CRYBB2: variants seen among roughly 807,000 people sequenced by gnomAD.
CRYBB2 encodes the protein beta-crystallin B2.
Under a neutral mutation model 24.3 loss-of-function variants are expected in CRYBB2, and 12 were observed. That is an observed-to-expected ratio of 0.49 (90% confidence interval 0.32 to 0.80). The LOEUF is 0.80. CRYBB2 is among the 30% of genes least tolerant of loss of function. The pLI, the probability that CRYBB2 is intolerant of heterozygous loss-of-function variation, is 0.04. For synonymous variants in CRYBB2, 98 were observed against 101.6 expected (o/e 0.96, Z 0.21); for missense variants, 198 against 268.5 (o/e 0.74, Z 1.83).
chr22:25,218,820 A>AAGAAAAAGAAAG (rs1935266118), upstream of CRYBB2, among the ~76,000 whole-genome samples: 1 of 91,088 alleles, frequency 1.1e-5, no homozygotes, highest in Non-Finnish European at 2.1e-5. Context: ...GAAAGAAAGA[A>AAGAAAAAGAAAG]AGAAAGAAAG....
upstream of CRYBB2, among the ~76,000 whole-genome samples, chr22:25,218,899 C>G (rs1295599380): frequency 6.6e-6 from 1 of 152,022 alleles, no homozygotes; most frequent in Non-Finnish European, 1.5e-5. Flanking sequence ...ATAAAATGCA[C>G]TCTCCATAAT....
chr22:25,220,139 G>C (rs1474551379), intron 1 of CRYBB2, among the ~76,000 whole-genome samples: 2 of 152,164 alleles, frequency 1.3e-5, no homozygotes, highest in African/African-American at 2.4e-5. Context: ...ACAGGTCCCA[G>C]CAACAGGTGA....
At chr22:25,218,832 A>AAGAAAGAG (rs1935269138), upstream of CRYBB2, among the ~76,000 whole-genome samples, 1 of 113,070 alleles carries the variant, frequency 8.8e-6, no homozygotes, top group Non-Finnish European at 1.8e-5. Context: ...GAAAGAAAGA[A>AAGAAAGAG]AGAAAGAGAA....
upstream of CRYBB2, among the ~76,000 whole-genome samples, chr22:25,218,752 A>G (rs867663276): frequency 3.2e-5 from 1 of 31,742 alleles, no homozygotes; most frequent in African/African-American, 1.7e-4. Flanking sequence ...AGAGAGAGAG[A>G]GAGAGAGAGA....
At chr22:25,218,126 G>T (rs902875276), upstream of CRYBB2, among the ~76,000 whole-genome samples, 1 of 150,922 alleles carries the variant, frequency 6.6e-6, no homozygotes, top group Admixed American at 6.6e-5. Context: ...GGGCGTGTTG[G>T]CGGGCGCCTG....
chr22:25,231,191 A>C (rs977349518), intron 5 of CRYBB2, among the ~76,000 whole-genome samples: 4 of 152,136 alleles, frequency 2.6e-5, no homozygotes, highest in African/African-American at 9.7e-5. Flanking sequence ...AGGCCCCTGG[A>C]ACCTCCCCCA....
chr22:25,223,660 T>C (rs1057177028), intron 2 of CRYBB2, among the ~76,000 whole-genome samples: 1 of 152,052 alleles, frequency 6.6e-6, no homozygotes, highest in Non-Finnish European at 1.5e-5. Flanking sequence ...TTCCCTTTCT[T>C]TGTGTGGCTA....
chr22:25,218,818 G>GAAAGAAAGAA (rs1935264995), upstream of CRYBB2, among the ~76,000 whole-genome samples: 2 of 65,278 alleles, frequency 3.1e-5, no homozygotes, highest in African/African-American at 1.6e-4. Flanking sequence ...AAGAAAGAAA[G>GAAAGAAAGAA]AAAGAAAGAA....
At chr22:25,230,229 T>C (rs1313755581) in intron 5 of CRYBB2, among the ~76,000 whole-genome samples, 3 of 150,120 alleles carry the variant, frequency 2.0e-5, no homozygotes, top group Non-Finnish European at 1.5e-5. Flanking sequence ...TGATCTTGGC[T>C]CACTGCAACC....
At chr22:25,229,331 T>C (rs561057183) in intron 4 of CRYBB2, 105 bp from the exon 5 acceptor site, 179 of 1,517,654 alleles carry the variant, frequency 1.2e-4, no homozygotes, top group Non-Finnish European at 1.5e-4. Flanking sequence ...AAGAGAGTGA[T>C]GTGTGGGACA....
intron 3 of CRYBB2, among the ~76,000 whole-genome samples, chr22:25,225,573 G>A (rs558863389): frequency 6.6e-6 from 1 of 152,304 alleles, no homozygotes; most frequent in Admixed American, 6.5e-5. Context: ...AAGGGGAGCT[G>A]AATGGTTGGC....
In CRYBB2 at chr22:25,229,483, C is replaced by G. The variant is rs748307484; in HGVS notation, c.354C>G (p.Thr118=). ...TCCTCTATGAAAACCCCAACTTCACCGGGAAGAAGATGGAAATCATAGATG... is the reference window on the plus strand; with the variant it reads ...TCCTCTATGAAAACCCCAACTTCACGGGGAAGAAGATGGAAATCATAGATG... ...KIILYENPNF[T]GKKMEIIDDD... Residue 118 remains threonine, a synonymous_variant, in exon 5 of 6, where the codon ACC becomes ACG. Transcript: ENST00000398215. 6.2e-7 allele frequency: 1 copy of G among 1,613,350 alleles called. No individual in the cohort carries two copies. Among genetic ancestry groups the G allele is most frequent in the Non-Finnish European group, 8.5e-7 (1 of 1,179,652 alleles).
At chr22:25,218,836 A>AAGAAAGAAAGAAAG (rs1569016534), upstream of CRYBB2, among the ~76,000 whole-genome samples, 2 of 96,792 alleles carry the variant, frequency 2.1e-5, no homozygotes, top group African/African-American at 9.4e-5. Flanking sequence ...GAAAGAAAGA[A>AAGAAAGAAAGAAAG]AGAGAAAGAA....
upstream of CRYBB2, among the ~76,000 whole-genome samples, chr22:25,218,249 A>C (rs1181712510): frequency 8.0e-5 from 11 of 136,792 alleles, no homozygotes; most frequent in Admixed American, 3.0e-4. Flanking sequence ...ACAGAGCGAG[A>C]CTCCATCTCA....
In CRYBB2 at chr22:25,229,566, T is replaced by C. The variant is rs1482974162; in HGVS notation, c.437T>C (p.Val146Ala). The C allele has an allele frequency of 4.4e-5, 71 of 1,614,270 alleles. No homozygotes were observed. The highest frequency in any genetic ancestry group is 5.9e-5 in the Non-Finnish European group (70 of 1,180,046). ...CAGGAGAAGGTGTCATCTGTGCGGGTGCAGAGTGGCACGTAAGTGCGTTGC... is the reference window on the plus strand; with the variant it reads ...CAGGAGAAGGTGTCATCTGTGCGGGCGCAGAGTGGCACGTAAGTGCGTTGC... ...GYQEKVSSVR[V>A]QSGTWVGYQY... The change falls in exon 5 of 6, where the codon GTG becomes GCG. Residue 146 changes from valine to alanine, a missense_variant. Val to Ala is a moderately conservative substitution (Grantham distance 64, BLOSUM62 0). Coordinates refer to ENST00000398215, the MANE Select transcript of CRYBB2 (RefSeq NM_000496.3).
upstream of CRYBB2, among the ~76,000 whole-genome samples, chr22:25,216,046 AGAT>A (rs1935165629): frequency 6.6e-6 from 1 of 152,272 alleles, no homozygotes; most frequent in African/African-American, 2.4e-5. Flanking sequence ...GATTAAAAAA[AGAT>A]GAGTATGGAC....
upstream of CRYBB2, among the ~76,000 whole-genome samples, chr22:25,218,782 GAA>G (rs1472618313): frequency 5.1e-5 from 2 of 38,840 alleles, no homozygotes; most frequent in Admixed American, 2.7e-4. Context: ...AGAGAGAGAA[GAA>G]AGAAAGAAAG....
upstream of CRYBB2, among the ~76,000 whole-genome samples, chr22:25,217,856 C>T (rs1935196387): frequency 6.6e-6 from 1 of 152,098 alleles, no homozygotes; most frequent in African/African-American, 2.4e-5. Flanking sequence ...TGCATATGTG[C>T]ATTAAGAAAA....
upstream of CRYBB2, among the ~76,000 whole-genome samples, chr22:25,218,769 GAGAGAGAGAGAAGA>G (rs1569016180): frequency 4.8e-4 from 18 of 37,454 alleles, no homozygotes; most frequent in Middle Eastern, 0.013. Context: ...GAGAGAGAGA[GAGAGAGAGAGAAGA>G]AAGAAAGAAA....
Sources: allele counts gnomAD v4.1 joint callset (sites outside exome capture counted in the v4.1 genomes callset), GRCh38; gene constraint gnomAD v4.1.1; transcripts MANE v1.5; gene names NCBI Gene and HGNC (gene_info 2026-07-23, HGNC 2026-07-21).